Variants in ERBB4 observed in about 807,000 individuals in gnomAD.
The protein encoded by ERBB4 is receptor tyrosine-protein kinase erbB-4.
ERBB4 carries 42 observed loss-of-function variants against 158.0 expected under a neutral mutation model. The ratio of observed to expected loss-of-function variants is 0.27; its 90% CI spans 0.21 to 0.34. ERBB4 has a LOEUF of 0.34. Ranked by LOEUF, ERBB4 falls within the 10% of genes least tolerant of loss-of-function variation. The pLI is 1.00. For synonymous variants in ERBB4, 583 were observed against 558.7 expected, an observed-to-expected ratio of 1.04 and a Z score of -0.61; for missense variants, 1,333 against 1,624.1, an observed-to-expected ratio of 0.82 and a Z score of 3.08.
intron 4 of ERBB4, among the ~76,000 whole-genome samples, chr2:211,768,859 C>T (rs1386136020): frequency 6.6e-6 from 1 of 152,216 alleles, no homozygotes; most frequent in African/African-American, 2.4e-5. Context: ...TAACATTTGG[C>T]TCCTTACTTA....
At chr2:211,467,986 T>C (rs1174646592) in intron 20 of ERBB4, among the ~76,000 whole-genome samples, 3 of 152,142 alleles carry the variant, frequency 2.0e-5, no homozygotes, top group Admixed American at 2.0e-4. Context: ...CACCCAAATT[T>C]AAAGTGGCTG....
chr2:211,594,532 T>C, intron 19 of ERBB4, among the ~76,000 whole-genome samples: 1 of 152,154 alleles, frequency 6.6e-6, no homozygotes, highest in South Asian at 2.1e-4. Context: ...ACATCAAATA[T>C]GGAATGTTTA....
At position 212,306,807 on chromosome 2, in the gene ERBB4, T is replaced by A. The variant is rs185131292; in HGVS notation, c.83-181904A>T. On this transcript the variant is annotated intron_variant, in intron 1 of 27. Coordinates refer to ENST00000342788, the MANE Select transcript of ERBB4 (RefSeq NM_005235.3). The stretch of plus-strand genomic sequence containing the variant: ...GAAATGTTTATTATGAAGAGTTACT[T>A]ACAAATTTACTTACCCAAAGTTATT... 2.5e-3 allele frequency among the ~76,000 whole-genome samples: 371 copies of A among 151,408 alleles called. 7 individuals are homozygous for A. The highest frequency in any genetic ancestry group is 3.3e-4 in the Non-Finnish European group (22 of 67,542).
chr2:212,473,776 T>C (rs1689234658), intron 1 of ERBB4, among the ~76,000 whole-genome samples: 1 of 152,088 alleles, frequency 6.6e-6, no homozygotes. Flanking sequence ...TATTTTCTTT[T>C]TCTCAGAGTT....
chr2:212,199,703 C>A (rs16847869), intron 1 of ERBB4, among the ~76,000 whole-genome samples: 1 of 151,870 alleles, frequency 6.6e-6, no homozygotes, highest in Non-Finnish European at 1.5e-5. Flanking sequence ...TAAATCTGCT[C>A]ATGAAAATAT....
intron 25 of ERBB4, among the ~76,000 whole-genome samples, chr2:211,416,927 A>G (rs1037267108): frequency 6.6e-6 from 1 of 152,030 alleles, no homozygotes; most frequent in Middle Eastern, 3.2e-3. Context: ...GTCTCTGAAT[A>G]AATACTCTTT....
intron 20 of ERBB4, among the ~76,000 whole-genome samples, chr2:211,495,805 TTTAA>T (rs1004024106): frequency 2.6e-5 from 4 of 152,038 alleles, no homozygotes; most frequent in Non-Finnish European, 5.9e-5. Flanking sequence ...CAGAACAGAT[TTTAA>T]TTAATATACA....
At chr2:212,512,200 T>G (rs929379648) in intron 1 of ERBB4, among the ~76,000 whole-genome samples, 5 of 152,156 alleles carry the variant, frequency 3.3e-5, no homozygotes, top group African/African-American at 1.2e-4. Flanking sequence ...TACCCTCTAA[T>G]AGTTTCTACA....
At chr2:211,641,539 G>T (rs1490372664) in intron 16 of ERBB4, among the ~76,000 whole-genome samples, 1 of 152,032 alleles carries the variant, frequency 6.6e-6, no homozygotes, top group East Asian at 1.9e-4. Context: ...GTGCCTTAAT[G>T]CCATCCCCCA....
chr2:212,272,827 C>T (rs1460656480), intron 1 of ERBB4, among the ~76,000 whole-genome samples: 17 of 151,562 alleles, frequency 1.1e-4, no homozygotes, highest in Non-Finnish European at 3.0e-5. Context: ...AGAAAAAAAT[C>T]AATTGAACTT....
chr2:211,384,179 C>T (rs2062636156), intron 27 of ERBB4, 119 bp from the exon 28 acceptor site: 7 of 715,378 alleles, frequency 9.8e-6, no homozygotes, highest in South Asian at 7.1e-5. Flanking sequence ...GATTTGTTTT[C>T]ATGATTTCTC....
intron 20 of ERBB4, among the ~76,000 whole-genome samples, chr2:211,492,372 T>A (rs1457440496): frequency 6.6e-6 from 1 of 152,156 alleles, no homozygotes; most frequent in Non-Finnish European, 1.5e-5. Flanking sequence ...GATGAAGTAC[T>A]GCATTTATAA....
At chr2:211,677,207 G>C (rs1010969765) in intron 13 of ERBB4, among the ~76,000 whole-genome samples, 13 of 151,926 alleles carry the variant, frequency 8.6e-5, no homozygotes, top group Admixed American at 2.6e-4. Flanking sequence ...GGATCCAGTG[G>C]GATAATTCAT....
At chr2:211,502,299 G>A (rs2065637020) in intron 20 of ERBB4, among the ~76,000 whole-genome samples, 1 of 152,068 alleles carries the variant, frequency 6.6e-6, no homozygotes, top group Admixed American at 6.5e-5. Context: ...ACAATGCAAA[G>A]GAAGCCTATT....
intron 1 of ERBB4, among the ~76,000 whole-genome samples, chr2:212,223,768 C>T (rs1021948730): frequency 2.6e-5 from 4 of 151,680 alleles, no homozygotes; most frequent in Admixed American, 6.6e-5. Context: ...AAATCACTGT[C>T]ATCTGATATA....
intron 20 of ERBB4, among the ~76,000 whole-genome samples, chr2:211,547,127 T>A (rs1486741674): frequency 1.3e-5 from 2 of 152,262 alleles, no homozygotes; most frequent in Admixed American, 1.3e-4. Flanking sequence ...GTTTCCTGAC[T>A]GTAATACTGC....
chr2:211,883,336 T>C (rs971949800), intron 3 of ERBB4, among the ~76,000 whole-genome samples: 1 of 152,056 alleles, frequency 6.6e-6, no homozygotes, highest in African/African-American at 2.4e-5. Context: ...TTAGGAGATA[T>C]ACCTAATGTA....
chr2:212,383,698 A>AGAAAGCTT (rs1300316700), intron 1 of ERBB4, among the ~76,000 whole-genome samples: 2 of 151,668 alleles, frequency 1.3e-5, no homozygotes, highest in African/African-American at 4.8e-5. Context: ...ACAAAACTGA[A>AGAAAGCTT]GAAAGCTTTG....
intron 3 of ERBB4, among the ~76,000 whole-genome samples, chr2:211,881,625 C>T (rs1115940): frequency 0.36 from 53,279 of 148,126 alleles, 9,904 homozygotes; most frequent in Middle Eastern, 0.52. Context: ...ATTTGTGCCC[C>T]ATGCAAATGA....
Sources: allele counts gnomAD v4.1 joint callset (sites outside exome capture counted in the v4.1 genomes callset), GRCh38; gene constraint gnomAD v4.1.1; transcripts MANE v1.5; gene names NCBI Gene and HGNC (gene_info 2026-07-23, HGNC 2026-07-21).